Variants in GPM6A observed in about 807,000 individuals in gnomAD.
GPM6A encodes the protein neuronal membrane glycoprotein M6-a.
A neutral mutation model predicts 32.1 loss-of-function variants in GPM6A; 7 were observed. The observed-to-expected ratio is 0.22, with a 90% CI of 0.12 to 0.41. GPM6A has a LOEUF of 0.41. Among genes scored for constraint, GPM6A ranks in the 10% least tolerant of loss-of-function variants. The probability of loss-of-function intolerance (pLI) is 1.00; values close to 1 mark genes in which losing one functional copy is unlikely to be tolerated. For synonymous variants in GPM6A, 130 were observed against 123.4 expected, an observed-to-expected ratio of 1.05 and a Z score of -0.35; for missense variants, 235 against 347.2, an observed-to-expected ratio of 0.68 and a Z score of 2.57.
rs11729990 is a variant in GPM6A, at chr4:175,673,777, A to C, written c.290T>G (p.Ile97Ser). 1 of 1,612,670 alleles carries C rather than the reference A, an allele frequency of 6.2e-7. No individual in the cohort carries two copies. Among genetic ancestry groups the C allele is most frequent in the East Asian group, 2.2e-5 (1 of 44,856 alleles). Residue 97 changes from isoleucine to serine, a missense_variant, in exon 3 of 7, where the codon ATT (isoleucine) becomes AGT (serine). By Grantham distance (142) the Ile-to-Ser change is moderately radical. Transcript: ENST00000393658. Reference protein sequence around the residue: ...GIAAAFFVYGILLMVEGFFTT... With the variant: ...GIAAAFFVYGSLLMVEGFFTT... ...GAAGAAACCTTCCACCATCAGCAAA[A>C]TGCCATACACAAAGAACGCAGCTGC...
At chr4:175,728,940 T>C (rs1321599692) in intron 1 of GPM6A, among the ~76,000 whole-genome samples, 1 of 152,192 alleles carries the variant, frequency 6.6e-6, no homozygotes, top group Admixed American at 6.5e-5. Context: ...AGCTTCTCTC[T>C]TGGGGTGACA....
chr4:175,699,161 G>A (rs1351783075), intron 2 of GPM6A, among the ~76,000 whole-genome samples: 1 of 152,086 alleles, frequency 6.6e-6, no homozygotes, highest in Non-Finnish European at 1.5e-5. Context: ...GGTAGGCTGA[G>A]ATAAATCTAG....
At chr4:175,637,245 TATATATA>T (rs1740712481) in intron 6 of GPM6A, among the ~76,000 whole-genome samples, 2 of 39,582 alleles carry the variant, frequency 5.1e-5, no homozygotes, top group Admixed American at 4.9e-4. Flanking sequence ...TATTATATAT[TATATATA>T]ATATAAAATA....
intron 2 of GPM6A, among the ~76,000 whole-genome samples, chr4:175,679,000 C>T (rs1368442824): frequency 6.6e-6 from 1 of 152,028 alleles, no homozygotes; most frequent in Non-Finnish European, 1.5e-5. Flanking sequence ...TAGTTATTGA[C>T]CTCAGGAAAT....
chr4:175,776,013 A>G (rs1733379789), intron 1 of GPM6A, among the ~76,000 whole-genome samples: 1 of 152,208 alleles, frequency 6.6e-6, no homozygotes, highest in Non-Finnish European at 1.5e-5. Flanking sequence ...TCGATTATAA[A>G]AAGCCAAGGA....
intron 1 of GPM6A, among the ~76,000 whole-genome samples, chr4:175,721,592 C>A (rs1457974904): frequency 1.3e-5 from 2 of 152,082 alleles, no homozygotes; most frequent in African/African-American, 2.4e-5. Context: ...TTAATGTTTT[C>A]CTCAAACCAC....
chr4:175,806,323 C>T (rs1385204370), intron 1 of GPM6A, among the ~76,000 whole-genome samples: 3 of 152,218 alleles, frequency 2.0e-5, no homozygotes, highest in East Asian at 1.9e-4. Flanking sequence ...ATCTATCTAT[C>T]ACGCTGTACT....
intron 1 of GPM6A, among the ~76,000 whole-genome samples, chr4:175,779,308 G>A (rs1036028578): frequency 1.3e-5 from 2 of 152,098 alleles, no homozygotes; most frequent in East Asian, 1.9e-4. Flanking sequence ...TCTCATGCAC[G>A]CCTAGAGCAA....
chr4:175,712,205 C>T (rs1745591964), intron 1 of GPM6A, among the ~76,000 whole-genome samples: 1 of 152,102 alleles, frequency 6.6e-6, no homozygotes, highest in Non-Finnish European at 1.5e-5. Flanking sequence ...TAATATAAAA[C>T]GGTTTCCTAG....
chr4:175,880,800 T>A (rs1579592583), intron 1 of GPM6A, among the ~76,000 whole-genome samples: 1 of 152,028 alleles, frequency 6.6e-6, no homozygotes, highest in Admixed American at 6.6e-5. Flanking sequence ...GACGATGGGG[T>A]TTTCTAGATA....
chr4:175,865,680 TG>T (rs1341347287), intron 1 of GPM6A, among the ~76,000 whole-genome samples: 2 of 152,202 alleles, frequency 1.3e-5, no homozygotes, highest in Non-Finnish European at 2.9e-5. Flanking sequence ...TCATATTTTG[TG>T]ATGCTATTAC....
rs981215366 is a variant in GPM6A, at chr4:175,987,860, T to A, written c.-23+14449A>T. ...TGATATAAAATTTTATTTCAAATGA[T>A]GTATAAAGTAAAATAATATAACCTT... is the stretch of plus-strand genomic sequence containing the variant. On this transcript the variant is annotated intron_variant, in intron 1 of 7. Transcript: ENST00000280187. Among the ~76,000 whole-genome samples, 6 of 152,230 alleles carry A rather than the reference T, an allele frequency of 3.9e-5. No individual in the cohort carries two copies. The South Asian group carries it at 1.2e-3, about 32-fold the overall frequency.
At chr4:175,970,210 A>G (rs962235475) in intron 1 of GPM6A, among the ~76,000 whole-genome samples, 2 of 152,190 alleles carry the variant, frequency 1.3e-5, no homozygotes, top group Admixed American at 1.3e-4. Context: ...TTTCACCGGA[A>G]ATCTGATTTT....
At chr4:175,770,470 C>A (rs1733141899) in intron 1 of GPM6A, among the ~76,000 whole-genome samples, 1 of 152,170 alleles carries the variant, frequency 6.6e-6, no homozygotes, top group African/African-American at 2.4e-5. Flanking sequence ...AATACATTTT[C>A]AGAGAGGCTT....
At chr4:175,641,690 G>A (rs985407885) in intron 4 of GPM6A, 1 of 151,990 alleles carries the variant, frequency 6.6e-6, no homozygotes, top group Non-Finnish European at 1.5e-5. Context: ...TATTTTCATG[G>A]TTTGTTTTGT....
chr4:175,825,751 C>A (rs1735413571), intron 1 of GPM6A, among the ~76,000 whole-genome samples: 1 of 152,182 alleles, frequency 6.6e-6, no homozygotes, highest in Admixed American at 6.5e-5. Flanking sequence ...TGAGCTTGAG[C>A]AATCAGCAGT....
At chr4:175,986,945 A>C (rs1295995421) in intron 1 of GPM6A, among the ~76,000 whole-genome samples, 1 of 152,172 alleles carries the variant, frequency 6.6e-6, no homozygotes, top group African/African-American at 2.4e-5. Flanking sequence ...CTCTGGCTAG[A>C]AGGCCTTTTC....
intron 1 of GPM6A, among the ~76,000 whole-genome samples, chr4:175,818,944 G>T (rs192240908): frequency 5.3e-5 from 8 of 152,072 alleles, no homozygotes; most frequent in African/African-American, 1.9e-4. Flanking sequence ...AAAATTCAAG[G>T]GTGACACTCT....
At chr4:175,841,331 A>T (rs935720184) in intron 1 of GPM6A, among the ~76,000 whole-genome samples, 4 of 152,152 alleles carry the variant, frequency 2.6e-5, no homozygotes, top group Non-Finnish European at 4.4e-5. Context: ...AATTTTTTTT[A>T]AATCTTTGTT....
Sources: allele counts gnomAD v4.1 joint callset (sites outside exome capture counted in the v4.1 genomes callset), GRCh38; gene constraint gnomAD v4.1.1; transcripts MANE v1.5; gene names NCBI Gene and HGNC (gene_info 2026-07-23, HGNC 2026-07-21).